GNAS-AS1: variants seen among roughly 807,000 people sequenced by gnomAD.
GNAS-AS1 encodes the protein GNAS antisense RNA 1.
At chr20:58,842,723 T>C (rs974942623) in intron 2 of GNAS-AS1, among the ~76,000 whole-genome samples, 1 of 152,188 alleles carries the variant, frequency 6.6e-6, no homozygotes, top group African/African-American at 2.4e-5. Context: ...TGACATTAAG[T>C]GTTCAGTTTT....
intron 4 of GNAS-AS1, among the ~76,000 whole-genome samples, chr20:58,822,450 A>G (rs117968747): frequency 0.021 from 3,181 of 152,274 alleles, 56 homozygotes; most frequent in South Asian, 0.042. Context: ...AGGCCCCAGA[A>G]AACTAGAGGC....
chr20:58,839,856 T>C (rs2085654051), intron 4 of GNAS-AS1: 1 of 596,100 alleles, frequency 1.7e-6, no homozygotes, highest in African/African-American at 1.9e-5. Flanking sequence ...GAGACAGAAC[T>C]TTCCCCTTTT....
At chr20:58,829,103 C>G (rs1275466070) in intron 4 of GNAS-AS1, among the ~76,000 whole-genome samples, 1 of 152,102 alleles carries the variant, frequency 6.6e-6, no homozygotes, top group Non-Finnish European at 1.5e-5. Flanking sequence ...TGGCCTCCTG[C>G]TACCTCACAC....
At position 58,840,765 on chromosome 20, in the gene GNAS-AS1, A is replaced by C; in HGVS notation, n.819+1172T>G. 6.2e-7 allele frequency: 1 copy of C among 1,608,400 alleles called. No homozygotes were observed. Among genetic ancestry groups the C allele is most frequent in the East Asian group, 2.2e-5 (1 of 44,830 alleles). ...GAGGAGAAGCAGCGGCGTCGCTGCAAGCCAAAGAAGCCCACCCGCCGTGAC... is the reference window on the plus strand; with the variant it reads ...GAGGAGAAGCAGCGGCGTCGCTGCACGCCAAAGAAGCCCACCCGCCGTGAC... On this transcript the variant is annotated intron_variant and non_coding_transcript_variant, in intron 4 of 4. Coordinates refer to ENST00000424094, the Ensembl canonical transcript of GNAS-AS1. The surrounding 1 kb of genome is among the most constrained non-coding windows in gnomAD (Gnocchi z 6.0).
intron 4 of GNAS-AS1, among the ~76,000 whole-genome samples, chr20:58,832,221 T>C (rs1429732146): frequency 1.3e-5 from 2 of 152,180 alleles, no homozygotes; most frequent in Non-Finnish European, 2.9e-5. Context: ...ATCTAATACT[T>C]GGGAAATATA....
intron 4 of GNAS-AS1, among the ~76,000 whole-genome samples, chr20:58,837,538 G>A (rs2085611845): frequency 1.3e-5 from 2 of 152,202 alleles, no homozygotes; most frequent in Non-Finnish European, 2.9e-5. Flanking sequence ...AACCTCCCAG[G>A]TTCAAGCAAT....
At chr20:58,838,455 G>C (rs1158404390) in intron 4 of GNAS-AS1, among the ~76,000 whole-genome samples, 2 of 152,168 alleles carry the variant, frequency 1.3e-5, no homozygotes, top group African/African-American at 4.8e-5. Flanking sequence ...TGGGTACAGA[G>C]GGATTCTGAC....
intron 1 of GNAS-AS1, among the ~76,000 whole-genome samples, chr20:58,849,620 T>A (rs1240090402): frequency 6.6e-6 from 1 of 152,142 alleles, no homozygotes; most frequent in Non-Finnish European, 1.5e-5. Context: ...TGCCAGCCCC[T>A]CCCACTGACT....
chr20:58,834,479 A>C (rs2085589079), intron 4 of GNAS-AS1: 1 of 152,226 alleles, frequency 6.6e-6, no homozygotes, highest in African/African-American at 2.4e-5. Flanking sequence ...ACTCAAGATG[A>C]AGCAAGGCAG....
exon 1 of GNAS-AS1, chr20:58,850,820 G>C: frequency 2.5e-6 from 1 of 398,810 alleles, no homozygotes; most frequent in Non-Finnish European, 4.4e-6. Context: ...GGTCTTCCAG[G>C]CCTAGCCGCC....
In GNAS-AS1 at chr20:58,840,618, C is replaced by CCGACGCCT; in HGVS notation, n.819+1311_819+1318dup. The CCGACGCCT allele has an allele frequency of 6.2e-7, 1 of 1,608,256 alleles. No homozygotes were observed. Among genetic ancestry groups the CCGACGCCT allele is most frequent in the East Asian group, 2.2e-5 (1 of 44,776 alleles). ...CTGCACGCTCTCAAGTTGCGAAGCC[C>CCGACGCCT]CGACGCCTCCCCAAGTCGCGCGCCG... On this transcript the variant is annotated intron_variant and non_coding_transcript_variant, in intron 4 of 4. Coordinates refer to ENST00000424094, the Ensembl canonical transcript of GNAS-AS1. This position sits in a 1 kb window ranked among gnomAD's most constrained non-coding sequence, Gnocchi z 6.0.
Position 58,830,162 on chromosome 20 carries a change from C to CCATATGATAG in GNAS-AS1, n.820-10908_820-10907insCTATCATATG, listed in dbSNP as rs773748672. Among the ~76,000 whole-genome samples the CCATATGATAG allele has an allele frequency of 9.5e-3, 1,431 of 151,126 alleles. 11 individuals carry two copies. The highest frequency in any genetic ancestry group is 0.021 in the Middle Eastern group (6 of 292). ...CACCACCATACCACCACCACCACCA[C>CCATATGATAG]TGCTATACCACTATCATAACCACCA... On this transcript the variant is annotated intron_variant and non_coding_transcript_variant, in intron 4 of 4. Coordinates refer to ENST00000424094, the Ensembl canonical transcript of GNAS-AS1.
chr20:58,828,621 G>A (rs1414430160), intron 4 of GNAS-AS1, among the ~76,000 whole-genome samples: 1 of 152,196 alleles, frequency 6.6e-6, no homozygotes, highest in Non-Finnish European at 1.5e-5. Context: ...TAATGACTTT[G>A]GTTGGAAACT....
Position 58,840,375 on chromosome 20 carries a change from A to G in GNAS-AS1, n.819+1562T>C. 6.2e-7 allele frequency: 1 copy of G among 1,613,384 alleles called. No individual in the cohort carries two copies. The highest frequency in any genetic ancestry group is 8.5e-7 in the Non-Finnish European group (1 of 1,180,006). On this transcript the variant is annotated intron_variant and non_coding_transcript_variant, in intron 4 of 4. Coordinates refer to ENST00000424094, the Ensembl canonical transcript of GNAS-AS1. This position sits in a 1 kb window ranked among gnomAD's most constrained non-coding sequence, Gnocchi z 6.0. ...TCGGAATCTGACCACGAGCACGAGG[A>G]GGCAGACCTTGAGCTGTCCCTCCCC... is the stretch of plus-strand genomic sequence containing the variant.
At position 58,819,279 on chromosome 20, in the gene GNAS-AS1, T is replaced by C. The variant is rs560439864; in HGVS notation, n.820-24A>G. On this transcript the variant is annotated intron_variant and non_coding_transcript_variant, in intron 4 of 4. Coordinates refer to ENST00000424094, the Ensembl canonical transcript of GNAS-AS1. ...CCCTTGGGAGCAGACAGGTTTGGAATAAAAACAAAGAGAAAAACAGGGCAA... is the reference window on the plus strand; with the variant it reads ...CCCTTGGGAGCAGACAGGTTTGGAACAAAAACAAAGAGAAAAACAGGGCAA... 1.3e-5 allele frequency: 5 copies of C among 398,414 alleles called. No homozygotes were observed. The South Asian group carries it at 5.1e-4, about 41-fold the overall frequency. The allele number at this position is 398,414 out of a possible 1,614,324, so 24.7% of individuals were successfully genotyped here.
At chr20:58,822,843 G>A (rs955216473) in intron 4 of GNAS-AS1, among the ~76,000 whole-genome samples, 3 of 152,072 alleles carry the variant, frequency 2.0e-5, no homozygotes, top group Admixed American at 6.5e-5. Flanking sequence ...TCTCTCTGAT[G>A]CCACAACAGG....
chr20:58,836,984 A>T (rs1029067815), intron 4 of GNAS-AS1, among the ~76,000 whole-genome samples: 1 of 152,122 alleles, frequency 6.6e-6, no homozygotes, highest in Non-Finnish European at 1.5e-5. Context: ...AATGCAGGCA[A>T]TCTCGGTGTA....
At chr20:58,819,328 C>T (rs2085469458) in intron 4 of GNAS-AS1, 2 of 397,864 alleles carry the variant, frequency 5.0e-6, no homozygotes, top group South Asian at 2.7e-4. Flanking sequence ...GAAATGAAAC[C>T]AGGCGCACAC....
In GNAS-AS1 at chr20:58,841,445, G is replaced by C. The variant is rs1363874022; in HGVS notation, n.819+492C>G. ...ACCACCCGGGAGGGAAGTCACGCGC[G>C]CGCGGCGCCTAAGCAGCTCAGAGCC... is the stretch of plus-strand genomic sequence containing the variant. On this transcript the variant is annotated intron_variant and non_coding_transcript_variant, in intron 4 of 4. Transcript: ENST00000424094. The surrounding 1 kb of genome is among the most constrained non-coding windows in gnomAD (Gnocchi z 5.0). 1.0e-6 allele frequency: 1 copy of C among 993,644 alleles called. No individual in the cohort carries two copies. The highest frequency in any genetic ancestry group is 1.7e-5 in the African/African-American group (1 of 57,366). 61.6% of individuals were successfully genotyped at this position (993,644 alleles called of 1,614,324 possible). A position where few individuals can be genotyped will look rare whatever the true frequency, so the allele number is the denominator to read the frequency against.
Sources: allele counts gnomAD v4.1 joint callset (sites outside exome capture counted in the v4.1 genomes callset), GRCh38; gene constraint gnomAD v4.1.1; non-coding constraint Gnocchi (gnomAD v3.1); transcripts MANE v1.5; gene names NCBI Gene and HGNC (gene_info 2026-07-23, HGNC 2026-07-21).